The following TMEM135 variants were observed in gnomAD, a reference collection of about 807,000 sequenced individuals.
TMEM135 encodes the protein transmembrane protein 135, also known as peroxisomal membrane protein 52.
In TMEM135, 30 loss-of-function variants were observed where a neutral mutation model predicts 60.3. The ratio of observed to expected loss-of-function variants is 0.50; its 90% CI spans 0.37 to 0.68. The LOEUF (loss-of-function observed/expected upper bound fraction) is 0.68. Among genes scored for constraint, TMEM135 ranks in the 30% least tolerant of loss-of-function variants. TMEM135 has a pLI of 0.00. For synonymous variants in TMEM135, 190 were observed against 186.7 expected (o/e 1.02, Z -0.14); for missense variants, 468 against 548.8 (o/e 0.85, Z 1.47).
intron 7 of TMEM135, among the ~76,000 whole-genome samples, chr11:87,300,565 T>A (rs1053380231): frequency 6.6e-6 from 1 of 152,230 alleles, no homozygotes; most frequent in Non-Finnish European, 1.5e-5. Flanking sequence ...GAGGATTACA[T>A]GAATTAATTA....
chr11:87,043,902 A>C (rs1296911130), intron 1 of TMEM135, among the ~76,000 whole-genome samples: 1 of 152,098 alleles, frequency 6.6e-6, no homozygotes, highest in South Asian at 2.1e-4. Context: ...AAACTTGTTC[A>C]CTAACCTCAG....
At chr11:87,248,960 A>G (rs920193278) in intron 6 of TMEM135, among the ~76,000 whole-genome samples, 1 of 152,158 alleles carries the variant, frequency 6.6e-6, no homozygotes, top group African/African-American at 2.4e-5. Flanking sequence ...GTTGATTTGG[A>G]TCCTGCAACT....
intron 4 of TMEM135, among the ~76,000 whole-genome samples, chr11:87,151,728 C>T (rs973321675): frequency 4.0e-5 from 6 of 151,434 alleles, no homozygotes; most frequent in Non-Finnish European, 5.9e-5. Flanking sequence ...GAGGGATCCT[C>T]TTATTACCTA....
intron 6 of TMEM135, among the ~76,000 whole-genome samples, chr11:87,284,865 A>G (rs866168984): frequency 2.6e-5 from 4 of 152,214 alleles, no homozygotes; most frequent in African/African-American, 7.2e-5. Context: ...GAGTTTTCTC[A>G]TACTAAGTGC....
intron 6 of TMEM135, among the ~76,000 whole-genome samples, chr11:87,285,848 G>A (rs1251155211): frequency 6.6e-6 from 1 of 152,102 alleles, no homozygotes; most frequent in African/African-American, 2.4e-5. Flanking sequence ...ATTTTATAGA[G>A]AGCTGATTGG....
chr11:87,240,142 T>C (rs1343263452), intron 6 of TMEM135, among the ~76,000 whole-genome samples: 1 of 152,108 alleles, frequency 6.6e-6, no homozygotes, highest in East Asian at 1.9e-4. Context: ...GCCATGTAGC[T>C]AGCTATCACA....
chr11:87,104,951 T>C (rs1169859571), intron 4 of TMEM135, among the ~76,000 whole-genome samples: 2 of 152,198 alleles, frequency 1.3e-5, no homozygotes, highest in Non-Finnish European at 2.9e-5. Flanking sequence ...GCTTCAAGTA[T>C]TATGTTGAAA....
At chr11:87,079,586 T>C (rs1856943480) in intron 3 of TMEM135, among the ~76,000 whole-genome samples, 1 of 151,744 alleles carries the variant, frequency 6.6e-6, no homozygotes, top group African/African-American at 2.4e-5. Context: ...GTTTTCTTTC[T>C]TTTCCAATCT....
At chr11:87,274,422 G>T (rs571635799) in intron 6 of TMEM135, among the ~76,000 whole-genome samples, 19 of 152,154 alleles carry the variant, frequency 1.2e-4, no homozygotes, top group South Asian at 2.1e-4. Context: ...CTGCTTATAA[G>T]CTCCTTACTG....
intron 5 of TMEM135, among the ~76,000 whole-genome samples, chr11:87,172,778 G>A (rs1391457252): frequency 5.9e-5 from 9 of 151,596 alleles, no homozygotes; most frequent in African/African-American, 4.8e-5. Flanking sequence ...ATAAATATTG[G>A]TGTTATTTTA....
In TMEM135 at chr11:87,200,600, A is replaced by G. The variant is rs536258172; in HGVS notation, c.463-36038A>G. 5.3e-5 allele frequency among the ~76,000 whole-genome samples: 8 copies of G among 152,306 alleles called. No homozygotes were observed. The South Asian group carries it at 1.7e-3, about 32-fold the overall frequency. ...ATGATATACTTTGGTACAATCAAAGACCTTACATTGACACATCATTATCAT... is the reference window on the plus strand; with the variant it reads ...ATGATATACTTTGGTACAATCAAAGGCCTTACATTGACACATCATTATCAT... On this transcript the variant is annotated intron_variant, in intron 5 of 14. Transcript: ENST00000305494.
intron 6 of TMEM135, among the ~76,000 whole-genome samples, chr11:87,242,623 TG>T: frequency 8.0e-6 from 1 of 124,674 alleles, no homozygotes; most frequent in South Asian, 2.8e-4. Flanking sequence ...CATTTTTTCA[TG>T]GGTCTTTTGG....
intron 1 of TMEM135, 137 bp from the exon 2 acceptor site, chr11:87,067,557 T>C (rs1856690770): frequency 8.7e-7 from 1 of 1,147,262 alleles, no homozygotes; most frequent in Admixed American, 2.2e-5. Flanking sequence ...ATTGTATTTT[T>C]ATAGAAGATC....
chr11:87,216,727 C>T (rs531800479), intron 5 of TMEM135, among the ~76,000 whole-genome samples: 1 of 152,150 alleles, frequency 6.6e-6, no homozygotes, highest in Non-Finnish European at 1.5e-5. Context: ...AAACCATAAG[C>T]ACTTTAAGGT....
chr11:87,060,626 GTAC>G (rs1403542910), intron 1 of TMEM135, among the ~76,000 whole-genome samples: 6 of 150,316 alleles, frequency 4.0e-5, no homozygotes, highest in Admixed American at 1.3e-4. Context: ...TCGTCTCTCT[GTAC>G]TTTTTCTTTT....
chr11:87,091,920 A>T (rs888928303), intron 4 of TMEM135, among the ~76,000 whole-genome samples: 1 of 152,164 alleles, frequency 6.6e-6, no homozygotes, highest in African/African-American at 2.4e-5. Context: ...TATTCTTTAA[A>T]GTAAATATAT....
chr11:87,189,362 T>C (rs778257430), intron 5 of TMEM135, among the ~76,000 whole-genome samples: 4 of 152,108 alleles, frequency 2.6e-5, no homozygotes, highest in African/African-American at 4.8e-5. Context: ...GGTTTTACCA[T>C]GTTGGCCAGG....
At chr11:87,099,889 G>C (rs931998790) in intron 4 of TMEM135, among the ~76,000 whole-genome samples, 7 of 151,888 alleles carry the variant, frequency 4.6e-5, no homozygotes, top group Non-Finnish European at 8.8e-5. Flanking sequence ...CACCTTGTTG[G>C]TCAAGCTGGT....
chr11:87,222,760 A>C (rs1026921759), intron 5 of TMEM135, among the ~76,000 whole-genome samples: 1 of 151,972 alleles, frequency 6.6e-6, no homozygotes, highest in Non-Finnish European at 1.5e-5. Context: ...AGCTGAGATC[A>C]TGCCATTGCA....
Sources: gnomAD v4.1 joint callset for allele counts (sites outside exome capture counted in the v4.1 genomes callset) on GRCh38, gnomAD v4.1.1 for gene constraint, MANE v1.5 for transcripts, NCBI Gene and HGNC (gene_info 2026-07-23, HGNC 2026-07-21) for gene names.